Variants in CAND2 observed in about 807,000 individuals in gnomAD.
CAND2 encodes the protein cullin associated and neddylation dissociated 2 (putative).
CAND2 carries 62 observed loss-of-function variants against 98.9 expected under a neutral mutation model. The observed-to-expected ratio is 0.63, with a 90% CI of 0.51 to 0.77. The LOEUF is 0.77. Ranked by LOEUF, CAND2 falls within the 30% of genes least tolerant of loss-of-function variation. The pLI is 0.00. For synonymous variants in CAND2, 770 were observed against 731.9 expected (o/e 1.05, Z -0.84); for missense variants, 1,501 against 1,655.2 (o/e 0.91, Z 1.62).
Position 12,817,852 on chromosome 3 carries a change from C to G in CAND2, c.2920C>G (p.Arg974Gly). The G allele has an allele frequency of 2.0e-6, 3 of 1,504,364 alleles. No homozygotes were observed. The highest frequency in any genetic ancestry group is 2.7e-6 in the Non-Finnish European group (3 of 1,125,810). The allele number at this position is 1,504,364 out of a possible 1,614,324, so 93.2% of individuals were successfully genotyped here. Residue 974 changes from arginine (R) to glycine (G), a missense_variant, in exon 10 of 15, where the codon CGC (arginine) becomes GGC (glycine). By Grantham distance (125) the Arg-to-Gly change is moderately radical. Around this residue, in one of 3 missense-constraint regions of CAND2, gnomAD observed 1,427 missense variants for 1,545.3 expected, o/e 0.92. Coordinates refer to ENST00000456430, the MANE Select transcript of CAND2 (RefSeq NM_001162499.2). ...TGTGAACCCTTCGTTCCTTCTGCCC[C>G]GCTTGCGGAAGCAGCTTGCTGCAGG... ...VLVNPSFLLP[R>G]LRKQLAAGRP... is the part of the protein sequence containing the mutation.
At chr3:12,832,984 A>G (rs1575785369) in intron 14 of CAND2, among the ~76,000 whole-genome samples, 3 of 152,086 alleles carry the variant, frequency 2.0e-5, no homozygotes, top group Admixed American at 6.6e-5. Flanking sequence ...CCTCTTGGCA[A>G]CTCTTACGAC....
At position 12,815,442 on chromosome 3, in the gene CAND2, G is replaced by A. The variant is rs761175364; in HGVS notation, c.1299+9G>A. The stretch of plus-strand genomic sequence containing the variant: ...ATATGCTACGTGGACAGGTGGGCGT[G>A]CCTTCACCTCCACCCCTACCCCCGA... On this transcript the variant is annotated intron_variant, in intron 8 of 14. Transcript: ENST00000456430. This position sits in a 1 kb window ranked among gnomAD's most constrained non-coding sequence, Gnocchi z 5.7. The A allele has an allele frequency of 1.8e-5, 29 of 1,600,908 alleles. No individual in the cohort carries two copies. The East Asian group carries it at 6.1e-4, about 33-fold the overall frequency.
At chr3:12,822,645 C>T (rs1173385402) in intron 11 of CAND2, among the ~76,000 whole-genome samples, 1 of 152,094 alleles carries the variant, frequency 6.6e-6, no homozygotes. Context: ...CGATGAGATG[C>T]TCCAGATTCA....
chr3:12,819,909 T>C (rs745630835), intron 10 of CAND2, among the ~76,000 whole-genome samples, 177 bp from the exon 11 acceptor site: 2 of 152,068 alleles, frequency 1.3e-5, no homozygotes, highest in Non-Finnish European at 2.9e-5. Context: ...GCAGGAAGAA[T>C]TGAGGGGAGA....
At chr3:12,826,232 G>A (rs1322578293) in intron 12 of CAND2, among the ~76,000 whole-genome samples, 2 of 152,156 alleles carry the variant, frequency 1.3e-5, no homozygotes, top group Admixed American at 6.5e-5. Context: ...ATACACCAAG[G>A]AGCAGCTGCG....
Position 12,807,401 on chromosome 3 carries a change from G to T in CAND2, c.308G>T (p.Arg103Leu). 6.4e-7 allele frequency: 1 copy of T among 1,551,760 alleles called. No individual in the cohort carries two copies. Among genetic ancestry groups the T allele is most frequent in the Non-Finnish European group, 8.7e-7 (1 of 1,146,996 alleles). ...TNMRSDKEQL[R>L]DIAGIGLKTV... The stretch of plus-strand genomic sequence containing the variant: ...ATGCGGTCAGACAAGGAGCAGCTGC[G>T]AGACATTGCCGGCATTGGCCTCAAG... Residue 103 changes from arginine to leucine, a missense_variant, in exon 3 of 15, where the codon CGA (arginine) becomes CTA (leucine). Physicochemically the swap from Arg to Leu is moderately radical, Grantham distance 102. Transcript: ENST00000456430.
intron 1 of CAND2, among the ~76,000 whole-genome samples, chr3:12,800,192 A>T (rs1470537039): frequency 6.6e-6 from 1 of 152,202 alleles, no homozygotes; most frequent in Non-Finnish European, 1.5e-5. Context: ...CATCCTGCCC[A>T]TGCTGCCAGC....
In CAND2 at chr3:12,817,230, G is replaced by C; in HGVS notation, c.2298G>C (p.Gly766=). 2 of 1,613,792 alleles carry C rather than the reference G, an allele frequency of 1.2e-6. No individual in the cohort carries two copies. Among genetic ancestry groups the C allele is most frequent in the Admixed American group, 3.3e-5 (2 of 60,032 alleles). Residue 766 remains glycine, a synonymous_variant, in exon 10 of 15, where the codon GGG becomes GGC. Transcript: ENST00000456430. ...AAEGFLQALV[G]TRPPCVDYAK... ...AAGGCTTCCTGCAGGCCCTGGTAGG[G>C]ACCCGTCCCCCGTGTGTGGACTATG...
At chr3:12,825,760 C>T in intron 12 of CAND2, 121 bp downstream of exon 12, 1 of 1,045,718 alleles carries the variant, frequency 9.6e-7, no homozygotes, top group South Asian at 1.6e-5. Flanking sequence ...TGGGTCAAGT[C>T]CTGCCCTGAC....
At chr3:12,826,775 T>G (rs931723344) in intron 12 of CAND2, among the ~76,000 whole-genome samples, 3 of 150,422 alleles carry the variant, frequency 2.0e-5, no homozygotes, top group Non-Finnish European at 2.9e-5. Context: ...CTCAGTTAAT[T>G]AACCTGCCCA....
Position 12,827,450 on chromosome 3 carries a change from G to T in CAND2, c.3221G>T (p.Gly1074Val). The change falls in exon 13 of 15, where the codon GGG (glycine) becomes GTG (valine). Residue 1074 changes from glycine (G) to valine (V), a missense_variant. Gly to Val is a moderately radical substitution (Grantham distance 109, BLOSUM62 -3). Coordinates refer to ENST00000456430, the MANE Select transcript of CAND2 (RefSeq NM_001162499.2). ...RRDLIREVEM[G>V]PFKHTVDDGL... ...TCATCCCTCCTGCAGGTGGAGATGG[G>T]GCCCTTTAAACATACAGTGGACGAT... 1.2e-6 allele frequency: 2 copies of T among 1,613,398 alleles called. No individual in the cohort carries two copies. Among genetic ancestry groups the T allele is most frequent in the Non-Finnish European group, 1.7e-6 (2 of 1,179,612 alleles).
Position 12,808,080 on chromosome 3 carries a change from C to T in CAND2, c.368-130C>T. 4 of 1,234,530 alleles carry T rather than the reference C, an allele frequency of 3.2e-6. No homozygotes were observed. The East Asian group carries it at 1.0e-4, about 32-fold the overall frequency. The allele number at this position is 1,234,530 out of a possible 1,614,324, so 76.5% of individuals were successfully genotyped here. Reference sequence around the variant, plus strand: ...CCAGACTCTGGGTCAAACCTGGGACCTCTGGAGCCCTGGTAAGATTCCCGG... The same window carrying T: ...CCAGACTCTGGGTCAAACCTGGGACTTCTGGAGCCCTGGTAAGATTCCCGG... On this transcript the variant is annotated intron_variant, in intron 3 of 14. Coordinates refer to ENST00000456430, the MANE Select transcript of CAND2 (RefSeq NM_001162499.2).
At chr3:12,826,056 T>G (rs1039419181) in intron 12 of CAND2, among the ~76,000 whole-genome samples, 2 of 152,154 alleles carry the variant, frequency 1.3e-5, no homozygotes, top group Non-Finnish European at 2.9e-5. Context: ...CGTGGCCCCC[T>G]AAAGGACAGA....
At chr3:12,825,040 T>C (rs951401893) in intron 11 of CAND2, among the ~76,000 whole-genome samples, 1 of 152,204 alleles carries the variant, frequency 6.6e-6, no homozygotes, top group African/African-American at 2.4e-5. Flanking sequence ...CAAGTTCACA[T>C]TCACAGAGTC....
chr3:12,821,508 T>G (rs1335448938), intron 11 of CAND2, among the ~76,000 whole-genome samples: 2 of 152,178 alleles, frequency 1.3e-5, no homozygotes, highest in Non-Finnish European at 2.9e-5. Context: ...GGAGAACACG[T>G]GCAGAAGCTC....
At position 12,817,104 on chromosome 3, in the gene CAND2, C is replaced by A; in HGVS notation, c.2172C>A (p.Ala724=). The change falls in exon 10 of 15, where the codon GCC becomes GCA. Residue 724 remains alanine, a synonymous_variant. Coordinates refer to ENST00000456430, the MANE Select transcript of CAND2 (RefSeq NM_001162499.2). ...ACTTCCTTGCCACAGTGACCCAGGC[C>A]CAGCCAGCCTCTTTGGTGGAGGTCA... ...AVDFLATVTQ[A]QPASLVEVSG... is the part of the protein sequence containing the mutation. 6.2e-7 allele frequency: 1 copy of A among 1,613,010 alleles called. No individual in the cohort carries two copies. Among genetic ancestry groups the A allele is most frequent in the Non-Finnish European group, 8.5e-7 (1 of 1,179,986 alleles).
intron 14 of CAND2, among the ~76,000 whole-genome samples, chr3:12,833,177 T>A (rs771364536): frequency 9.2e-5 from 14 of 152,192 alleles, no homozygotes; most frequent in Non-Finnish European, 1.5e-4. Flanking sequence ...CTTTAGTCCA[T>A]AAGCAGTGGA....
intron 1 of CAND2, among the ~76,000 whole-genome samples, chr3:12,801,870 G>A (rs949937435): frequency 6.6e-6 from 1 of 152,298 alleles, no homozygotes; most frequent in East Asian, 1.9e-4. Context: ...TTTAACAAGC[G>A]CTGCTGGTGA....
At chr3:12,800,313 C>G (rs1559546426) in intron 1 of CAND2, among the ~76,000 whole-genome samples, 1 of 152,254 alleles carries the variant, frequency 6.6e-6, no homozygotes, top group Non-Finnish European at 1.5e-5. Context: ...GCAGTGACAT[C>G]TAGGAGCAGG....
Sources: gnomAD v4.1 joint callset for allele counts (sites outside exome capture counted in the v4.1 genomes callset) on GRCh38, gnomAD v4.1.1 for gene constraint, gnomAD v4.1.1 regional missense constraint, Gnocchi (gnomAD v3.1) non-coding constraint, MANE v1.5 for transcripts, NCBI Gene and HGNC (gene_info 2026-07-23, HGNC 2026-07-21) for gene names.